The following TNC variants were observed in gnomAD, a reference collection of about 807,000 sequenced individuals.
TNC encodes the protein tenascin.
Under a neutral mutation model 202.4 loss-of-function variants are expected in TNC, and 109 were observed. The ratio of observed to expected loss-of-function variants is 0.54; its 90% confidence interval spans 0.46 to 0.63. TNC has a LOEUF of 0.63. Ranked by LOEUF, TNC falls within the 30% of genes least tolerant of loss-of-function variation. The pLI, the probability that TNC is intolerant of heterozygous loss-of-function variation, is 0.00. For missense variants in TNC, 2,756 were observed against 2,833.3 expected (o/e 0.97, Z 0.62); for synonymous variants, 1,007 against 1,089.7 (o/e 0.92, Z 1.50).
chr9:115,045,574 G>T (rs1199059216), intron 17 of TNC, among the ~76,000 whole-genome samples: 10 of 145,322 alleles, frequency 6.9e-5, no homozygotes, highest in Admixed American at 5.5e-4. Context: ...CACAGGTAGG[G>T]TCTTACTATG....
At chr9:115,024,276 T>A in intron 26 of TNC, 140 bp from the exon 27 acceptor site, 1 of 806,842 alleles carries the variant, frequency 1.2e-6, no homozygotes, top group Non-Finnish European at 2.0e-6. Flanking sequence ...GAGTCAGCAT[T>A]GAATGCGGAA....
At chr9:115,105,275 T>A (rs1400770931) in intron 1 of TNC, among the ~76,000 whole-genome samples, 1 of 152,246 alleles carries the variant, frequency 6.6e-6, no homozygotes, top group East Asian at 1.9e-4. Context: ...ACTTTCATTG[T>A]CTATTTTCCC....
chr9:115,105,629 A>G (rs912703577), intron 1 of TNC, among the ~76,000 whole-genome samples: 1 of 152,198 alleles, frequency 6.6e-6, no homozygotes, highest in Non-Finnish European at 1.5e-5. Flanking sequence ...AGGACAGGAA[A>G]AACTGCAGAA....
chr9:115,077,881 G>A, intron 7 of TNC, 62 bp downstream of exon 7: 1 of 1,534,380 alleles, frequency 6.5e-7, no homozygotes, highest in Non-Finnish European at 8.9e-7. Flanking sequence ...CCAACATGGA[G>A]TGGGATGGAA....
intron 1 of TNC, among the ~76,000 whole-genome samples, chr9:115,104,455 G>A (rs1190586417): frequency 6.6e-6 from 1 of 152,200 alleles, no homozygotes; most frequent in Non-Finnish European, 1.5e-5. Flanking sequence ...AAAATTTTAA[G>A]AAGGCATTGT....
intron 19 of TNC, among the ~76,000 whole-genome samples, chr9:115,040,200 A>G (rs1330090206): frequency 6.6e-6 from 1 of 152,206 alleles, no homozygotes; most frequent in Non-Finnish European, 1.5e-5. Flanking sequence ...TTGGAGTCAG[A>G]CCGACCTATG....
intron 10 of TNC, among the ~76,000 whole-genome samples, chr9:115,071,766 AAAG>A: frequency 6.6e-6 from 1 of 152,232 alleles, no homozygotes; most frequent in Non-Finnish European, 1.5e-5. Flanking sequence ...AAGAGAAAGA[AAAG>A]AGAGGGATTT....
intron 2 of TNC, among the ~76,000 whole-genome samples, chr9:115,089,928 T>C (rs988012680): frequency 6.6e-6 from 1 of 152,242 alleles, no homozygotes; most frequent in Non-Finnish European, 1.5e-5. Flanking sequence ...TAAAGGGCTG[T>C]TGGGAGGATT....
intron 14 of TNC, 96 bp downstream of exon 14, chr9:115,059,634 G>T (rs1832389807): frequency 4.6e-6 from 6 of 1,316,194 alleles, no homozygotes; most frequent in Non-Finnish European, 6.2e-6. Context: ...CACATGAAAA[G>T]GATTCAGTTA....
intron 13 of TNC, 117 bp downstream of exon 13, chr9:115,062,800 A>T: frequency 8.3e-7 from 1 of 1,210,264 alleles, no homozygotes; most frequent in South Asian, 1.6e-5. Flanking sequence ...TGAGTTAGAG[A>T]TTCACGCTGT....
intron 17 of TNC, among the ~76,000 whole-genome samples, chr9:115,045,569 G>T (rs1831120768): frequency 7.2e-6 from 1 of 137,950 alleles, no homozygotes; most frequent in South Asian, 2.4e-4. Context: ...TTTTGCACAG[G>T]TAGGGTCTTA....
intron 10 of TNC, among the ~76,000 whole-genome samples, chr9:115,066,283 T>C (rs1421317501): frequency 1.3e-5 from 2 of 152,218 alleles, no homozygotes; most frequent in African/African-American, 4.8e-5. Flanking sequence ...AAGTGGACTT[T>C]GCATAGTTTA....
intron 1 of TNC, among the ~76,000 whole-genome samples, chr9:115,107,536 C>T (rs1176233611): frequency 6.6e-6 from 1 of 152,130 alleles, no homozygotes; most frequent in Non-Finnish European, 1.5e-5. Context: ...TTTATTCATG[C>T]TATCATTTAT....
intron 1 of TNC, among the ~76,000 whole-genome samples, chr9:115,114,209 G>A (rs1408119515): frequency 6.6e-6 from 1 of 152,192 alleles, no homozygotes; most frequent in Admixed American, 6.5e-5. Context: ...ACTGGCCCGG[G>A]ATAAGATTCA....
At chr9:115,099,300 C>G (rs1025111248) in intron 1 of TNC, among the ~76,000 whole-genome samples, 2 of 152,074 alleles carry the variant, frequency 1.3e-5, no homozygotes, top group African/African-American at 2.4e-5. Context: ...TAGGTCTTGC[C>G]CTTAATGAGC....
rs149919435 is a variant in TNC, at chr9:115,076,527, C to T, written c.2723G>A (p.Ser908Asn). 81 of 1,614,214 alleles carry T rather than the reference C, an allele frequency of 5.0e-5. No individual in the cohort carries two copies. Among genetic ancestry groups the T allele is most frequent in the Admixed American group, 2.3e-4 (14 of 60,028 alleles). Residue 908 changes from serine (S) to asparagine (N), a missense_variant, in exon 8 of 28, where the codon AGC becomes AAC. Ser to Asn is a conservative substitution (Grantham distance 46). Transcript: ENST00000350763. ...NLRRVSQTDNSITLEWRNGKA... is the reference protein window; with the variant it reads ...NLRRVSQTDNNITLEWRNGKA... ...GCCATTCCTCCATTCCAGGGTGATG[C>T]TGTTATCTGTCTGGGAAACACGTCG... is the stretch of plus-strand genomic sequence containing the variant.
At chr9:115,053,443 G>A (rs935429513) in intron 15 of TNC, among the ~76,000 whole-genome samples, 4 of 152,188 alleles carry the variant, frequency 2.6e-5, no homozygotes, top group East Asian at 3.8e-4. Flanking sequence ...GGTAAACACC[G>A]AATATTATGT....
At chr9:115,064,590 C>A (rs1832797757) in intron 11 of TNC, 57 bp downstream of exon 11, 2 of 1,540,270 alleles carry the variant, frequency 1.3e-6, no homozygotes, top group South Asian at 1.3e-5. Context: ...TCTGATTATT[C>A]ATGGGCAGTT....
chr9:115,030,673 C>A (rs993298344), intron 23 of TNC, among the ~76,000 whole-genome samples: 2 of 152,150 alleles, frequency 1.3e-5, no homozygotes, highest in African/African-American at 4.8e-5. Flanking sequence ...ATTTATTTCA[C>A]AGCCCTAGTA....
Sources: allele counts gnomAD v4.1 joint callset (sites outside exome capture counted in the v4.1 genomes callset), GRCh38; gene constraint gnomAD v4.1.1; transcripts MANE v1.5; gene names NCBI Gene and HGNC (gene_info 2026-07-23, HGNC 2026-07-21).